The following NTSR1 variants were observed in gnomAD, a reference collection of about 807,000 sequenced individuals.
The protein encoded by NTSR1 is neurotensin receptor type 1.
NTSR1 carries 29 observed loss-of-function variants against 31.2 expected under a neutral mutation model. That is an observed-to-expected ratio of 0.93 (90% CI 0.69 to 1.27). NTSR1 has a LOEUF of 1.27. Ranked by LOEUF, NTSR1 falls within the 50% of genes most tolerant of loss-of-function variation. The pLI is 0.00. For synonymous variants in NTSR1, 282 were observed against 269.9 expected (o/e 1.04, Z -0.44); for missense variants, 697 against 595.4 (o/e 1.17, Z -1.78).
rs149037645 is a variant in NTSR1 at position 62,756,352 on chromosome 20, G to A, written c.916+1466G>A. 1.4e-4 allele frequency among the ~76,000 whole-genome samples: 21 copies of A among 152,360 alleles called. No individual in the cohort carries two copies. In the East Asian group the frequency reaches 3.3e-3, roughly 24 times the overall value. Reference sequence around the variant, plus strand: ...GGTGGGAGGTGCTTGGCAAGAAGGCGGGGCAGGGGCAGGGCAGACGCTGCC... The same window carrying A: ...GGTGGGAGGTGCTTGGCAAGAAGGCAGGGCAGGGGCAGGGCAGACGCTGCC... On this transcript the variant is annotated intron_variant, in intron 2 of 3. Transcript: ENST00000370501.
At position 62,709,738 on chromosome 20, in the gene NTSR1, G is replaced by C; in HGVS notation, c.531G>C (p.Lys177Asn). ...CCATCTGCCACCCCTTCAAGGCCAA[G>C]ACCCTCATGTCCCGAAGCCGCACCA... Reference protein sequence around the residue: ...YLAICHPFKAKTLMSRSRTKK... With the variant: ...YLAICHPFKANTLMSRSRTKK... The change falls in exon 1 of 4, where the codon AAG (lysine) becomes AAC (asparagine). Residue 177 changes from lysine (K) to asparagine (N), a missense_variant. Physicochemically the swap from Lys to Asn is moderately conservative, Grantham distance 94 (BLOSUM62 0). Coordinates refer to ENST00000370501, the MANE Select transcript of NTSR1 (RefSeq NM_002531.3). 6.2e-7 allele frequency: 1 copy of C among 1,613,030 alleles called. No individual in the cohort carries two copies. The highest frequency in any genetic ancestry group is 8.5e-7 in the Non-Finnish European group (1 of 1,179,934).
chr20:62,709,337 G>C lies in NTSR1; in HGVS notation c.130G>C (p.Glu44Gln). The change falls in exon 1 of 4, where the codon GAG becomes CAG. Residue 44 changes from glutamate (E) to glutamine (Q), a missense_variant. Transcript: ENST00000370501. Reference protein sequence around the residue: ...GFGNASGNASERVLAAPSSEL... With the variant: ...GFGNASGNASQRVLAAPSSEL... ...CGGCAACGCTTCGGGCAACGCGTCG[G>C]AGCGCGTCCTGGCGGCACCCAGCAG... The C allele has an allele frequency of 6.2e-7, 1 of 1,609,348 alleles. No individual in the cohort carries two copies. Among genetic ancestry groups the C allele is most frequent in the Non-Finnish European group, 8.5e-7 (1 of 1,178,370 alleles).
chr20:62,730,613 C>G (rs536378631), intron 1 of NTSR1, among the ~76,000 whole-genome samples: 1 of 152,264 alleles, frequency 6.6e-6, no homozygotes, highest in Admixed American at 6.5e-5. Context: ...GGAGGGCGAT[C>G]GTTGGAACAC....
chr20:62,735,167 G>C (rs1288380794), intron 1 of NTSR1: 3 of 152,786 alleles, frequency 2.0e-5, no homozygotes, highest in African/African-American at 7.2e-5. Flanking sequence ...CTGGCCGCCA[G>C]CTCAGTGCCA....
In NTSR1 at chr20:62,709,487, C is replaced by G; in HGVS notation, c.280C>G (p.Leu94Val). ...TAFTLARKKS[L>V]QSLQSTVHYH... ...GTTCACGCTGGCGCGGAAGAAGTCGCTGCAGAGCCTGCAGAGCACGGTGCA... is the reference window on the plus strand; with the variant it reads ...GTTCACGCTGGCGCGGAAGAAGTCGGTGCAGAGCCTGCAGAGCACGGTGCA... Residue 94 changes from leucine (L) to valine (V), a missense_variant, in exon 1 of 4, where the codon CTG becomes GTG. Leu to Val is a conservative substitution (Grantham distance 32, BLOSUM62 1). Coordinates refer to ENST00000370501, the MANE Select transcript of NTSR1 (RefSeq NM_002531.3). 1.2e-6 allele frequency: 2 copies of G among 1,612,584 alleles called. No homozygotes were observed. The highest frequency in any genetic ancestry group is 1.7e-6 in the Non-Finnish European group (2 of 1,179,850).
chr20:62,710,798 A>T (rs1460675989), intron 1 of NTSR1, among the ~76,000 whole-genome samples: 1 of 151,986 alleles, frequency 6.6e-6, no homozygotes, highest in East Asian at 1.9e-4. Context: ...TCCAGGGAGG[A>T]AGTCAGGGCC....
intron 1 of NTSR1, among the ~76,000 whole-genome samples, chr20:62,718,398 G>A (rs968549826): frequency 3.9e-5 from 6 of 152,096 alleles, no homozygotes; most frequent in South Asian, 2.1e-4. Flanking sequence ...CGTGCTTTTC[G>A]TTGTTCCTAC....
rs11473957 is a variant in NTSR1, at chr20:62,733,074, C to CACGTATCCA, written c.715-21609_715-21601dup. 62,605 of 150,918 alleles carry CACGTATCCA rather than the reference C, an allele frequency of 0.41. 14,138 individuals carry two copies. The highest frequency in any genetic ancestry group is 0.57 in the African/African-American group (23,571 of 40,998). 9.3% of individuals were successfully genotyped at this position (150,918 alleles called of 1,614,324 possible). A position where few individuals can be genotyped will look rare whatever the true frequency, so the allele number is the denominator to read the frequency against. On this transcript the variant is annotated intron_variant, in intron 1 of 3. Transcript: ENST00000370501. This position sits in a 1 kb window ranked among gnomAD's most constrained non-coding sequence, Gnocchi z 5.2. ...TCACCCGCAGGCGTGGCCCTGAGGC[C>CACGTATCCA]ACGTATCCAAGCAGCAGTGCCGTGC...
In NTSR1 at chr20:62,743,207, C is replaced by T. The variant is rs201217891; in HGVS notation, c.715-11478C>T. Among the ~76,000 whole-genome samples the T allele has an allele frequency of 3.3e-4, 49 of 149,566 alleles. 4 individuals are homozygous for T. In the East Asian group the frequency reaches 7.0e-3, roughly 21 times the overall value. Reference sequence around the variant, plus strand: ...CCCCGGTCCAGTCAGCTGAGTGCCCCGTGGTGTGGGTGCGTCATGCCATGG... The same window carrying T: ...CCCCGGTCCAGTCAGCTGAGTGCCCTGTGGTGTGGGTGCGTCATGCCATGG... On this transcript the variant is annotated intron_variant, in intron 1 of 3. Transcript: ENST00000370501. This position sits in a 1 kb window ranked among gnomAD's most constrained non-coding sequence, Gnocchi z 7.5.
chr20:62,720,499 T>G (rs187087885), intron 1 of NTSR1, among the ~76,000 whole-genome samples: 229 of 152,308 alleles, frequency 1.5e-3, no homozygotes, highest in African/African-American at 5.1e-3. Flanking sequence ...CCTTGTTCAT[T>G]TCTAATATTG....
At position 62,709,130 on chromosome 20, in the gene NTSR1, C is replaced by T. The variant is rs1600714714; in HGVS notation, c.-78C>T. 9.1e-6 allele frequency: 11 copies of T among 1,204,544 alleles called. No individual in the cohort carries two copies. In the East Asian group the frequency reaches 2.5e-4, roughly 27 times the overall value. The allele number at this position is 1,204,544 out of a possible 1,614,324, so 74.6% of individuals were successfully genotyped here. On this transcript the variant is annotated 5_prime_UTR_variant, in exon 1 of 4. Transcript: ENST00000370501. ...CCCTGGGCTCCCGTTCATCGGTCCC[C>T]GCCTGAGACGCGCCCACTCCTGCCC...
chr20:62,750,360 G>A (rs769559728), intron 1 of NTSR1, among the ~76,000 whole-genome samples: 2 of 152,148 alleles, frequency 1.3e-5, no homozygotes, highest in South Asian at 2.1e-4. Flanking sequence ...AGTACATTCC[G>A]GAGCTTTGAG....
rs970194822 is a variant in NTSR1 at position 62,745,634 on chromosome 20, C to T, written c.715-9051C>T. ...ACACAGAAAAACACAGAGAAAAACA[C>T]AGAGACATCACAGGAGAAAGATACA... On this transcript the variant is annotated intron_variant, in intron 1 of 3. Transcript: ENST00000370501. The surrounding 1 kb of genome is among the most constrained non-coding windows in gnomAD (Gnocchi z 4.1). 1.3e-5 allele frequency among the ~76,000 whole-genome samples: 2 copies of T among 152,202 alleles called. No individual in the cohort carries two copies. Among genetic ancestry groups the T allele is most frequent in the African/African-American group, 4.8e-5 (2 of 41,440 alleles).
intron 1 of NTSR1, among the ~76,000 whole-genome samples, chr20:62,749,455 G>A (rs968681498): frequency 1.2e-4 from 18 of 152,146 alleles, no homozygotes; most frequent in African/African-American, 4.3e-4. Context: ...TAGAAGAAAA[G>A]CTTCTTGACA....
chr20:62,739,870 G>T (rs3787529), intron 1 of NTSR1, among the ~76,000 whole-genome samples: 3 of 152,190 alleles, frequency 2.0e-5, no homozygotes, highest in Non-Finnish European at 2.9e-5. Context: ...GGTGCGGGAC[G>T]CATATGCTGT....
intron 2 of NTSR1, among the ~76,000 whole-genome samples, chr20:62,757,372 G>T (rs932821309): frequency 6.6e-6 from 1 of 152,198 alleles, no homozygotes; most frequent in Non-Finnish European, 1.5e-5. Context: ...TGACCATAAA[G>T]GTAAGGGTTC....
At chr20:62,751,045 T>C (rs1989386438) in intron 1 of NTSR1, among the ~76,000 whole-genome samples, 2 of 152,112 alleles carry the variant, frequency 1.3e-5, no homozygotes, top group Non-Finnish European at 2.9e-5. Flanking sequence ...CTGGATGATT[T>C]TTTTTAGTTT....
intron 1 of NTSR1, among the ~76,000 whole-genome samples, chr20:62,716,871 T>C (rs1202433241): frequency 6.6e-6 from 1 of 152,198 alleles, no homozygotes; most frequent in African/African-American, 2.4e-5. Context: ...TTGGTGGGGA[T>C]GGTGTTACTG....
At position 62,742,068 on chromosome 20, in the gene NTSR1, T is replaced by C. The variant is rs1473285236; in HGVS notation, c.715-12617T>C. Among the ~76,000 whole-genome samples, 1 of 149,622 alleles carries C rather than the reference T, an allele frequency of 6.7e-6. No homozygotes were observed. The highest frequency in any genetic ancestry group is 1.5e-5 in the Non-Finnish European group (1 of 68,022). On this transcript the variant is annotated intron_variant, in intron 1 of 3. Coordinates refer to ENST00000370501, the MANE Select transcript of NTSR1 (RefSeq NM_002531.3). The surrounding 1 kb of genome is among the most constrained non-coding windows in gnomAD (Gnocchi z 7.1). ...TGAAGGTTAGAGGAATTCAAACCGT[T>C]ATTTTTAATACTGAGCCAAAACCTG... is the stretch of plus-strand genomic sequence containing the variant.
Sources: gnomAD v4.1 joint callset for allele counts (sites outside exome capture counted in the v4.1 genomes callset) on GRCh38, gnomAD v4.1.1 for gene constraint, Gnocchi (gnomAD v3.1) non-coding constraint, MANE v1.5 for transcripts, NCBI Gene and HGNC (gene_info 2026-07-23, HGNC 2026-07-21) for gene names.